Variants in SLIT2 observed in about 807,000 individuals in gnomAD.
The protein encoded by SLIT2 is slit guidance ligand 2.
In SLIT2, 41 loss-of-function variants were observed where a neutral mutation model predicts 185.7. The ratio of observed to expected loss-of-function variants is 0.22; its 90% CI spans 0.17 to 0.29. The LOEUF is 0.29. Ranked by LOEUF, SLIT2 falls within the 10% of genes least tolerant of loss-of-function variation. The pLI, the probability that SLIT2 is intolerant of heterozygous loss-of-function variation, is 1.00. For missense variants in SLIT2, 1,571 were observed against 1,909.0 expected (o/e 0.82, Z 3.30); for synonymous variants, 693 against 680.2 (o/e 1.02, Z -0.29).
At chr4:20,614,819 T>G (rs1282538376) in intron 34 of SLIT2, 1 of 152,148 alleles carries the variant, frequency 6.6e-6, no homozygotes, top group African/African-American at 2.4e-5. Context: ...CTTCTGTTTG[T>G]CAATGAAGAC....
intron 7 of SLIT2, among the ~76,000 whole-genome samples, chr4:20,487,427 A>T (rs1192367991): frequency 2.0e-5 from 3 of 152,200 alleles, no homozygotes; most frequent in African/African-American, 4.8e-5. Context: ...AGCCAATGAA[A>T]TTGTAAAAAC....
chr4:20,502,510 A>G (rs1191494620), intron 9 of SLIT2, among the ~76,000 whole-genome samples: 1 of 152,186 alleles, frequency 6.6e-6, no homozygotes, highest in Non-Finnish European at 1.5e-5. Flanking sequence ...TAAACATGAG[A>G]TAAATAGTAA....
At chr4:20,294,813 T>A (rs1202182045) in intron 4 of SLIT2, among the ~76,000 whole-genome samples, 1 of 152,126 alleles carries the variant, frequency 6.6e-6, no homozygotes, top group Non-Finnish European at 1.5e-5. Flanking sequence ...ATCTTTTAAA[T>A]TGAGAAGTGA....
At chr4:20,582,929 C>T (rs1270966720) in intron 29 of SLIT2, among the ~76,000 whole-genome samples, 1 of 152,208 alleles carries the variant, frequency 6.6e-6, no homozygotes, top group Non-Finnish European at 1.5e-5. Flanking sequence ...GAGGCTTCTT[C>T]AGCCAGATAC....
rs559231734 is a variant in SLIT2 at position 20,398,160 on chromosome 4, GA to G, written c.396-69588del. Among the ~76,000 whole-genome samples, 602 of 151,886 alleles carry G rather than the reference GA, an allele frequency of 4.0e-3. 3 individuals are homozygous for G. Among genetic ancestry groups the G allele is most frequent in the African/African-American group, 0.013 (543 of 41,506 alleles). On this transcript the variant is annotated intron_variant, in intron 4 of 36. Coordinates refer to ENST00000504154, the MANE Select transcript of SLIT2 (RefSeq NM_004787.4). ...TAGTGCAAAGACAGCTGAGATCCCT[GA>G]AAAGTGGGGTTGAGCAAGAGAACAA...
chr4:20,617,744 A>G, intron 36 of SLIT2, 94 bp downstream of exon 36: 1 of 841,632 alleles, frequency 1.2e-6, no homozygotes, highest in Non-Finnish European at 1.8e-6. Context: ...AAAAAAAAAA[A>G]AAAAACAGGA....
intron 17 of SLIT2, 125 bp downstream of exon 17, chr4:20,532,183 G>A (rs992573481): frequency 6.7e-6 from 4 of 593,064 alleles, no homozygotes; most frequent in East Asian, 3.1e-5. Context: ...ATGATGACCT[G>A]TAACATGAAT....
At chr4:20,446,108 A>G (rs1480098775) in intron 4 of SLIT2, among the ~76,000 whole-genome samples, 1 of 151,994 alleles carries the variant, frequency 6.6e-6, no homozygotes, top group Non-Finnish European at 1.5e-5. Context: ...CCCCTTAACT[A>G]CGGGTTAATT....
intron 4 of SLIT2, among the ~76,000 whole-genome samples, chr4:20,371,542 T>G (rs1041437370): frequency 2.6e-5 from 4 of 152,112 alleles, no homozygotes; most frequent in African/African-American, 4.8e-5. Flanking sequence ...TCCCATCTTT[T>G]CTTCAACAGT....
At chr4:20,416,291 GC>G (rs1263071695) in intron 4 of SLIT2, among the ~76,000 whole-genome samples, 6 of 152,122 alleles carry the variant, frequency 3.9e-5, no homozygotes, top group African/African-American at 1.4e-4. Flanking sequence ...CCTGACTTTG[GC>G]TTGCAGATGG....
intron 26 of SLIT2, among the ~76,000 whole-genome samples, chr4:20,565,559 C>T (rs965371408): frequency 2.0e-5 from 3 of 151,790 alleles, no homozygotes; most frequent in Non-Finnish European, 2.9e-5. Context: ...TTGGGGAGGG[C>T]GGAGAGAAAT....
chr4:20,541,488 A>G lies in SLIT2; in HGVS notation c.2012A>G (p.Tyr671Cys), dbSNP rs774171745. The change falls in exon 20 of 37, where the codon TAC becomes TGC. Residue 671 changes from tyrosine (Y) to cysteine (C), a missense_variant. Tyr to Cys is a radical substitution (Grantham distance 194). Around this residue, in one of 3 missense-constraint regions of SLIT2, gnomAD observed 1,202 missense variants for 1,416.4 expected, o/e 0.85. Transcript: ENST00000504154. ...LLANPFNCNC[Y>C]LAWLGEWLRK... is the part of the protein sequence containing the mutation. ...GCCAATCCTTTTAACTGTAACTGCT[A>G]CCTGGCTTGGTTGGGAGAGTGGCTG... The G allele has an allele frequency of 1.9e-6, 3 of 1,614,024 alleles. No homozygotes were observed. Among genetic ancestry groups the G allele is most frequent in the South Asian group, 1.1e-5 (1 of 91,064 alleles).
chr4:20,306,330 G>T (rs888955697), intron 4 of SLIT2, among the ~76,000 whole-genome samples: 1 of 151,960 alleles, frequency 6.6e-6, no homozygotes, highest in Admixed American at 6.6e-5. Flanking sequence ...TGCAAGCTAG[G>T]GATAGTCACC....
intron 4 of SLIT2, among the ~76,000 whole-genome samples, chr4:20,407,579 A>T (rs1017920166): frequency 4.6e-5 from 7 of 152,180 alleles, no homozygotes; most frequent in African/African-American, 1.7e-4. Context: ...TTGGAGTCTC[A>T]GTAGCTTAGT....
At chr4:20,432,303 G>T (rs1430961753) in intron 4 of SLIT2, among the ~76,000 whole-genome samples, 2 of 152,126 alleles carry the variant, frequency 1.3e-5, no homozygotes, top group Non-Finnish European at 2.9e-5. Flanking sequence ...ACATTCTTAT[G>T]ACTAATAGGA....
At chr4:20,491,272 T>C (rs566385048) in intron 8 of SLIT2, among the ~76,000 whole-genome samples, 134 of 152,346 alleles carry the variant, frequency 8.8e-4, no homozygotes, top group Non-Finnish European at 1.6e-3. Context: ...CCCACATTTA[T>C]TGGCATATGA....
At chr4:20,289,283 T>G (rs569630716) in intron 4 of SLIT2, among the ~76,000 whole-genome samples, 15 of 152,294 alleles carry the variant, frequency 9.8e-5, no homozygotes, top group Non-Finnish European at 1.9e-4. Flanking sequence ...CATTTCCTCA[T>G]AGAGGGATAA....
intron 25 of SLIT2, among the ~76,000 whole-genome samples, chr4:20,551,228 A>G (rs1170059283): frequency 1.3e-5 from 2 of 152,242 alleles, no homozygotes; most frequent in South Asian, 2.1e-4. Context: ...TTAATTATCT[A>G]TCCTAACCCT....
At chr4:20,486,293 A>G (rs764448398) in intron 7 of SLIT2, 22 bp downstream of exon 7, 2 of 1,335,664 alleles carry the variant, frequency 1.5e-6, no homozygotes, top group Admixed American at 1.7e-5. Flanking sequence ...CAATATATGT[A>G]AAAGTCATAT....
Sources: gnomAD v4.1 joint callset for allele counts (sites outside exome capture counted in the v4.1 genomes callset) on GRCh38, gnomAD v4.1.1 for gene constraint, gnomAD v4.1.1 regional missense constraint, MANE v1.5 for transcripts, NCBI Gene and HGNC (gene_info 2026-07-23, HGNC 2026-07-21) for gene names.